Variants in GUCY1A2 observed in about 807,000 individuals in gnomAD.
GUCY1A2 encodes the protein guanylate cyclase 1 soluble subunit alpha 2.
In GUCY1A2, 27 loss-of-function variants were observed where a neutral mutation model predicts 63.5. That is an observed-to-expected ratio of 0.43 (90% CI 0.31 to 0.59). GUCY1A2 has a LOEUF of 0.59. Among genes scored for constraint, GUCY1A2 ranks in the 20% least tolerant of loss-of-function variants. The probability of loss-of-function intolerance (pLI) is 0.11; values close to 1 mark genes in which losing one functional copy is unlikely to be tolerated. For synonymous variants in GUCY1A2, 364 were observed against 343.5 expected (o/e 1.06, Z -0.66); for missense variants, 768 against 913.3 (o/e 0.84, Z 2.05).
intron 4 of GUCY1A2, among the ~76,000 whole-genome samples, chr11:106,874,579 A>G (rs1420696599): frequency 6.6e-6 from 1 of 152,122 alleles, no homozygotes; most frequent in African/African-American, 2.4e-5. Flanking sequence ...ATATTTCTAT[A>G]GTGCCACTTA....
At chr11:106,824,757 G>A in intron 4 of GUCY1A2, 2 of 1,506,526 alleles carry the variant, frequency 1.3e-6, no homozygotes, top group Non-Finnish European at 1.8e-6. Flanking sequence ...AAACTGAATA[G>A]CTGGATTTTT....
intron 1 of GUCY1A2, among the ~76,000 whole-genome samples, chr11:106,989,151 A>G (rs1861439455): frequency 6.6e-6 from 1 of 152,184 alleles, no homozygotes; most frequent in Non-Finnish European, 1.5e-5. Flanking sequence ...ACTTAAGAGA[A>G]CCATCCAACA....
chr11:106,745,784 T>C (rs962512623), intron 6 of GUCY1A2, among the ~76,000 whole-genome samples: 4 of 152,236 alleles, frequency 2.6e-5, no homozygotes, highest in Non-Finnish European at 5.9e-5. Context: ...ACATTTTATC[T>C]TTTGCCATGA....
intron 6 of GUCY1A2, among the ~76,000 whole-genome samples, chr11:106,724,892 A>G (rs185968569): frequency 6.6e-6 from 1 of 152,278 alleles, no homozygotes; most frequent in East Asian, 1.9e-4. Flanking sequence ...GATTAGCTTT[A>G]CCACCAAATC....
chr11:106,777,094 C>A (rs940519927), intron 5 of GUCY1A2, among the ~76,000 whole-genome samples: 1 of 152,132 alleles, frequency 6.6e-6, no homozygotes, highest in Non-Finnish European at 1.5e-5. Flanking sequence ...ATACCCCATA[C>A]CATTGCGTCA....
At chr11:106,766,547 C>A (rs977869828) in intron 6 of GUCY1A2, among the ~76,000 whole-genome samples, 1 of 151,276 alleles carries the variant, frequency 6.6e-6, no homozygotes, top group Admixed American at 6.6e-5. Context: ...TTTCAGAGAT[C>A]TTTTTTTTGT....
chr11:106,918,782 T>A (rs1356582138), intron 4 of GUCY1A2, among the ~76,000 whole-genome samples: 1 of 110,434 alleles, frequency 9.1e-6, no homozygotes, highest in Non-Finnish European at 2.2e-5. Flanking sequence ...TTCCAGTCAA[T>A]GAATTACAAG....
At chr11:106,713,632 G>C (rs1001760020) in intron 6 of GUCY1A2, among the ~76,000 whole-genome samples, 2 of 148,416 alleles carry the variant, frequency 1.3e-5, no homozygotes, top group Non-Finnish European at 3.0e-5. Flanking sequence ...TCAGCCTTCC[G>C]AGTAGCTGGG....
chr11:106,946,512 A>G (rs1860831233), intron 3 of GUCY1A2, among the ~76,000 whole-genome samples: 1 of 152,192 alleles, frequency 6.6e-6, no homozygotes, highest in South Asian at 2.1e-4. Flanking sequence ...AAAGGTTGAA[A>G]ATGAGTCAAC....
At chr11:106,982,750 G>T (rs1861354043) in intron 2 of GUCY1A2, among the ~76,000 whole-genome samples, 1 of 152,030 alleles carries the variant, frequency 6.6e-6, no homozygotes, top group African/African-American at 2.4e-5. Context: ...CTGAAGCTAA[G>T]GTTGGTAAGT....
intron 4 of GUCY1A2, among the ~76,000 whole-genome samples, chr11:106,912,065 A>C (rs1404764772): frequency 6.6e-6 from 1 of 151,954 alleles, no homozygotes; most frequent in Non-Finnish European, 1.5e-5. Context: ...TCCTCCAACA[A>C]ACTAGCTGCT....
intron 7 of GUCY1A2, among the ~76,000 whole-genome samples, chr11:106,692,656 A>G (rs1173051255): frequency 6.6e-6 from 1 of 152,176 alleles, no homozygotes; most frequent in Non-Finnish European, 1.5e-5. Context: ...CAGAATTTTA[A>G]AAAAGGGTCA....
At chr11:106,914,506 T>G (rs1235018229) in intron 4 of GUCY1A2, among the ~76,000 whole-genome samples, 1 of 151,906 alleles carries the variant, frequency 6.6e-6, no homozygotes, top group Non-Finnish European at 1.5e-5. Flanking sequence ...TTGAGGTATT[T>G]TAAGAATGTC....
chr11:106,946,603 G>A (rs1467746749), intron 3 of GUCY1A2, among the ~76,000 whole-genome samples: 4 of 152,076 alleles, frequency 2.6e-5, no homozygotes, highest in Non-Finnish European at 5.9e-5. Context: ...AGAATAAGGG[G>A]AGAAGTGATA....
intron 1 of GUCY1A2, among the ~76,000 whole-genome samples, chr11:106,998,598 G>A (rs760316922): frequency 1.3e-5 from 2 of 151,926 alleles, no homozygotes; most frequent in Admixed American, 6.6e-5. Context: ...CATGCATAAC[G>A]ACTCTTAACT....
intron 3 of GUCY1A2, among the ~76,000 whole-genome samples, chr11:106,974,888 G>T (rs937448230): frequency 2.6e-5 from 4 of 152,074 alleles, no homozygotes; most frequent in Non-Finnish European, 5.9e-5. Context: ...GCAATACTTA[G>T]CAAATAACTG....
rs1204079605 is a variant in GUCY1A2 at position 106,683,418 on chromosome 11, A to T, written c.*4131T>A. Reference sequence around the variant, plus strand: ...CAGTGAAGCTGTATGAAGTGCTTGGAGTCAGACTGTGTTTTGAAGAAAGAG... The same window carrying T: ...CAGTGAAGCTGTATGAAGTGCTTGGTGTCAGACTGTGTTTTGAAGAAAGAG... On this transcript the variant is annotated 3_prime_UTR_variant, in exon 8 of 8. Coordinates refer to ENST00000526355, the MANE Select transcript of GUCY1A2 (RefSeq NM_000855.3). 1 of 225,948 alleles carries T rather than the reference A, an allele frequency of 4.4e-6. No individual in the cohort carries two copies. Among genetic ancestry groups the T allele is most frequent in the Non-Finnish European group, 8.8e-6 (1 of 113,466 alleles). The allele number at this position is 225,948 out of a possible 1,614,324, so 14.0% of individuals were successfully genotyped here. A position where few individuals can be genotyped will look rare whatever the true frequency, so the allele number is the denominator to read the frequency against.
At chr11:106,739,866 G>A (rs999764690) in intron 6 of GUCY1A2, among the ~76,000 whole-genome samples, 2 of 151,998 alleles carry the variant, frequency 1.3e-5, no homozygotes, top group African/African-American at 4.8e-5. Context: ...GGGTACAGGC[G>A]AGCTACTTCT....
At chr11:106,882,980 A>C (rs1859846745) in intron 4 of GUCY1A2, among the ~76,000 whole-genome samples, 1 of 152,048 alleles carries the variant, frequency 6.6e-6, no homozygotes, top group African/African-American at 2.4e-5. Flanking sequence ...TTTGAGGGTC[A>C]TTTAGTTAAG....
Sources: allele counts gnomAD v4.1 joint callset (sites outside exome capture counted in the v4.1 genomes callset), GRCh38; gene constraint gnomAD v4.1.1; transcripts MANE v1.5; gene names NCBI Gene and HGNC (gene_info 2026-07-23, HGNC 2026-07-21).